Variants in ABCA9 observed in about 807,000 individuals in gnomAD.
The protein encoded by ABCA9 is ATP-binding cassette sub-family A member 9.
A neutral mutation model predicts 205.3 loss-of-function variants in ABCA9; 183 were observed. The observed-to-expected ratio is 0.89, with a 90% CI of 0.79 to 1.01. The LOEUF (loss-of-function observed/expected upper bound fraction) is 1.01, where lower values mean the gene tolerates loss of function less well. ABCA9 is among the 50% of genes least tolerant of loss of function. The pLI, the probability that ABCA9 is intolerant of heterozygous loss-of-function variation, is 0.00. For missense variants in ABCA9, 1,805 were observed against 1,912.4 expected, an observed-to-expected ratio of 0.94 and a Z score of 1.05; for synonymous variants, 651 against 683.3, an observed-to-expected ratio of 0.95 and a Z score of 0.74.
intron 5 of ABCA9, 120 bp from the exon 6 acceptor site, chr17:69,043,835 C>T: frequency 1.2e-6 from 1 of 856,016 alleles, no homozygotes; most frequent in African/African-American, 1.7e-5. Flanking sequence ...GTTTATATGC[C>T]CTTCATGATC....
chr17:69,032,466 A>G, intron 9 of ABCA9, 190 bp from the exon 10 acceptor site: 2 of 486,172 alleles, frequency 4.1e-6, no homozygotes, highest in Non-Finnish European at 7.1e-6. Flanking sequence ...GATGGCTAAT[A>G]TGACGTTTTT....
At chr17:68,982,716 G>A in intron 36 of ABCA9, 75 bp from the exon 37 acceptor site, 1 of 1,233,958 alleles carries the variant, frequency 8.1e-7, no homozygotes, top group East Asian at 2.3e-5. Context: ...TCTAAAAAGG[G>A]AAACAAGGCT....
intron 6 of ABCA9, among the ~76,000 whole-genome samples, chr17:69,041,729 T>TTATCTATCTATCTATCTATCTATCTATC (rs4020779): frequency 1.3e-5 from 2 of 149,350 alleles, no homozygotes; most frequent in Non-Finnish European, 1.5e-5. Flanking sequence ...AAGAAAGAAA[T>TTATCTATCTATCTATCTATCTATCTATC]TATCTATCTA....
intron 10 of ABCA9, among the ~76,000 whole-genome samples, chr17:69,029,814 T>C (rs768828148): frequency 6.6e-6 from 1 of 152,120 alleles, no homozygotes; most frequent in Non-Finnish European, 1.5e-5. Flanking sequence ...ACTTGGAACC[T>C]AGTAAACTTC....
chr17:69,073,419 A>G, the ABCA9 span, among the ~76,000 whole-genome samples: 586 of 152,368 alleles, frequency 3.8e-3, 3 homozygotes, highest in African/African-American at 0.014. Flanking sequence ...AGACAGTGCA[A>G]TCAAATTAGA....
intron 32 of ABCA9, among the ~76,000 whole-genome samples, 168 bp from the exon 33 acceptor site, chr17:68,985,296 C>T (rs1014598699): frequency 6.6e-6 from 1 of 152,140 alleles, no homozygotes; most frequent in Non-Finnish European, 1.5e-5. Flanking sequence ...AGTCATCAAA[C>T]TCATATTTTC....
Position 69,017,602 on chromosome 17 carries a change from T to C in ABCA9, c.2901+54A>G, listed in dbSNP as rs550460034. On this transcript the variant is annotated intron_variant, in intron 21 of 38. Transcript: ENST00000340001. ...ATTCAGCTGATATGAATTATTCAAA[T>C]TGTACACCCATAGTCCACCTTTGGT... The C allele has an allele frequency of 4.3e-5, 68 of 1,594,064 alleles. No individual in the cohort carries two copies. In the African/African-American group the frequency reaches 8.4e-4, roughly 20 times the overall value.
chr17:68,991,719 T>C (rs1287333969), intron 28 of ABCA9, among the ~76,000 whole-genome samples: 1 of 152,176 alleles, frequency 6.6e-6, no homozygotes, highest in Non-Finnish European at 1.5e-5. Flanking sequence ...ACCTTTCCTA[T>C]ACTTTTCTGT....
At chr17:69,064,929 ATTGTT>A (rs375121084), upstream of ABCA9, among the ~76,000 whole-genome samples, 565 of 151,926 alleles carry the variant, frequency 3.7e-3, 3 homozygotes, top group African/African-American at 0.013. Context: ...TCATTCCATT[ATTGTT>A]TTCTGTTTTT....
chr17:69,059,991 T>G (rs1247635030), intron 1 of ABCA9, among the ~76,000 whole-genome samples: 5 of 152,154 alleles, frequency 3.3e-5, no homozygotes, highest in African/African-American at 9.7e-5. Flanking sequence ...AACCTCAGTA[T>G]CTGAAAGGGT....
chr17:69,067,531 G>A, the ABCA9 span, among the ~76,000 whole-genome samples: 1 of 149,480 alleles, frequency 6.7e-6, no homozygotes, highest in African/African-American at 2.5e-5. Flanking sequence ...CTTCCAGCCT[G>A]GGCAACAGAG....
rs751565245 is a variant in ABCA9, at chr17:69,054,526, C to CA, written c.-13-3388dup. ...CTGGGCAAAGAGTGAGACCCTCTCT[C>CA]AAAAAAAAAAAAAAGAAAAGAAAAG... On this transcript the variant is annotated intron_variant, in intron 1 of 38. Transcript: ENST00000340001. Among the ~76,000 whole-genome samples, 631 of 77,168 alleles carry CA rather than the reference C, an allele frequency of 8.2e-3. 2 individuals are homozygous for CA. Among genetic ancestry groups the CA allele is most frequent in the Middle Eastern group, 0.029 (3 of 102 alleles). 50.6% of individuals were successfully genotyped at this position (77,168 alleles called of 152,430 possible). A position where few individuals can be genotyped will look rare whatever the true frequency, so the allele number is the denominator to read the frequency against.
At chr17:69,004,251 A>G (rs1325755492) in intron 25 of ABCA9, among the ~76,000 whole-genome samples, 4 of 151,924 alleles carry the variant, frequency 2.6e-5, no homozygotes, top group Non-Finnish European at 4.4e-5. Context: ...TTGTGGTTTT[A>G]TCTACTTTTG....
chr17:69,051,904 T>A (rs963593452), intron 1 of ABCA9: 1 of 152,216 alleles, frequency 6.6e-6, no homozygotes, highest in African/African-American at 2.4e-5. Context: ...ATAAAAAGGT[T>A]ATCTTTGGAA....
chr17:68,985,997 C>T (rs952373413), intron 32 of ABCA9, among the ~76,000 whole-genome samples, 167 bp downstream of exon 32: 1 of 152,064 alleles, frequency 6.6e-6, no homozygotes, highest in Non-Finnish European at 1.5e-5. Flanking sequence ...ATTTTTCTCT[C>T]CAGGCTCAAA....
At chr17:69,052,846 C>T (rs2071951673) in intron 1 of ABCA9, among the ~76,000 whole-genome samples, 1 of 152,186 alleles carries the variant, frequency 6.6e-6, no homozygotes, top group African/African-American at 2.4e-5. Context: ...CCATAACCCG[C>T]TCCTTGGGTT....
intron 23 of ABCA9, among the ~76,000 whole-genome samples, chr17:69,010,955 C>T (rs571918045): frequency 2.0e-4 from 31 of 152,212 alleles, no homozygotes; most frequent in African/African-American, 7.0e-4. Context: ...TATTACTCAG[C>T]TATATGGTAA....
At chr17:69,047,872 G>C (rs1227122651) in intron 3 of ABCA9, among the ~76,000 whole-genome samples, 3 of 152,078 alleles carry the variant, frequency 2.0e-5, no homozygotes, top group Non-Finnish European at 2.9e-5. Flanking sequence ...GTCTTTGTTC[G>C]TGGCTCAGCC....
chr17:69,000,484 A>G (rs1311841218), intron 25 of ABCA9, among the ~76,000 whole-genome samples: 2 of 151,536 alleles, frequency 1.3e-5, no homozygotes, highest in African/African-American at 2.4e-5. Context: ...CCATTGATCT[A>G]TATCTCTGTT....
Sources: gnomAD v4.1 joint callset for allele counts (sites outside exome capture counted in the v4.1 genomes callset) on GRCh38, gnomAD v4.1.1 for gene constraint, MANE v1.5 for transcripts, NCBI Gene and HGNC (gene_info 2026-07-23, HGNC 2026-07-21) for gene names.